Variants in NIPAL2 observed in about 807,000 individuals in gnomAD.
NIPAL2 encodes NIPA-like protein 2.
A neutral mutation model predicts 48.9 loss-of-function variants in NIPAL2; 43 were observed. The observed-to-expected ratio is 0.88, with a 90% confidence interval of 0.69 to 1.13. NIPAL2 has a LOEUF of 1.13. NIPAL2 is among the 50% of genes most tolerant of loss of function. The pLI, the probability that NIPAL2 is intolerant of heterozygous loss-of-function variation, is 0.00. For synonymous variants in NIPAL2, 167 were observed against 174.6 expected (o/e 0.96, Z 0.34); for missense variants, 446 against 461.4 (o/e 0.97, Z 0.31).
chr8:98,274,537 T>TCA, intron 1 of NIPAL2, among the ~76,000 whole-genome samples: 1 of 152,064 alleles, frequency 6.6e-6, no homozygotes, highest in Non-Finnish European at 1.5e-5. Flanking sequence ...GTTCCTTTTA[T>TCA]CAGTATGACT....
At chr8:98,278,656 C>T (rs928809008) in intron 1 of NIPAL2, among the ~76,000 whole-genome samples, 2 of 152,162 alleles carry the variant, frequency 1.3e-5, no homozygotes, top group African/African-American at 2.4e-5. Context: ...CTATAAGCTC[C>T]TTGAAGGCAG....
chr8:98,237,362 CTT>C (rs1371040840), intron 3 of NIPAL2, among the ~76,000 whole-genome samples: 2 of 152,072 alleles, frequency 1.3e-5, no homozygotes, highest in Non-Finnish European at 2.9e-5. Context: ...TTATTTCACT[CTT>C]TGTTAGGTCT....
intron 5 of NIPAL2, among the ~76,000 whole-genome samples, chr8:98,213,053 A>G (rs1033358173): frequency 6.6e-6 from 1 of 152,224 alleles, no homozygotes; most frequent in Non-Finnish European, 1.5e-5. Context: ...TGGATAATGA[A>G]ATATTTTATT....
At chr8:98,270,858 T>C (rs1425177206) in intron 1 of NIPAL2, among the ~76,000 whole-genome samples, 1 of 152,202 alleles carries the variant, frequency 6.6e-6, no homozygotes, top group Non-Finnish European at 1.5e-5. Context: ...ATTTAATCCA[T>C]CTTGAGGTAA....
intron 1 of NIPAL2, among the ~76,000 whole-genome samples, chr8:98,289,571 G>A (rs1816382636): frequency 6.7e-6 from 1 of 148,942 alleles, no homozygotes; most frequent in East Asian, 2.0e-4. Flanking sequence ...GGCTGGTCTT[G>A]AACTCTTGGG....
At chr8:98,244,216 A>G (rs1586386767) in intron 3 of NIPAL2, among the ~76,000 whole-genome samples, 3 of 133,204 alleles carry the variant, frequency 2.3e-5, no homozygotes, top group Admixed American at 7.5e-5. Flanking sequence ...AAAAAAAATG[A>G]GGGGGGTGTG....
At chr8:98,273,513 G>T (rs1815262874) in intron 1 of NIPAL2, among the ~76,000 whole-genome samples, 1 of 151,962 alleles carries the variant, frequency 6.6e-6, no homozygotes, top group South Asian at 2.1e-4. Context: ...GAATTTTATG[G>T]TATGTGAATT....
intron 1 of NIPAL2, among the ~76,000 whole-genome samples, chr8:98,260,384 G>A (rs1037153127): frequency 2.0e-5 from 3 of 152,228 alleles, no homozygotes; most frequent in African/African-American, 4.8e-5. Context: ...ATCTCACTAG[G>A]GAGTGCCAGA....
intron 1 of NIPAL2, among the ~76,000 whole-genome samples, chr8:98,290,700 C>T (rs533834078): frequency 7.9e-5 from 12 of 152,040 alleles, no homozygotes; most frequent in East Asian, 3.9e-4. Context: ...TCACATGGAC[C>T]GCATAAATAT....
At position 98,191,710 on chromosome 8, in the gene NIPAL2, T is replaced by C. The variant is rs62522244; in HGVS notation, c.*1268A>G. The C allele has an allele frequency of 0.47, 72,176 of 152,084 alleles. 17,307 individuals are homozygous for C. Among genetic ancestry groups the C allele is most frequent in the South Asian group, 0.59 (2,852 of 4,818 alleles). The allele number at this position is 152,084 out of a possible 1,614,324, so 9.4% of individuals were successfully genotyped here. A position where few individuals can be genotyped will look rare whatever the true frequency, so the allele number is the denominator to read the frequency against. ...GGATGTTGGCTGCAACGAAGGCTAC[T>C]TCTTTTCTTCTCCTTTAAATATTAG... On this transcript the variant is annotated 3_prime_UTR_variant, in exon 11 of 11. Coordinates refer to ENST00000430223, the MANE Select transcript of NIPAL2 (RefSeq NM_001321635.2).
chr8:98,196,953 C>A (rs780073700), intron 8 of NIPAL2, among the ~76,000 whole-genome samples: 1 of 152,178 alleles, frequency 6.6e-6, no homozygotes, highest in Non-Finnish European at 1.5e-5. Flanking sequence ...ATGAAACTTT[C>A]TGAAGCACAC....
intron 3 of NIPAL2, among the ~76,000 whole-genome samples, chr8:98,242,839 T>C (rs187905800): frequency 1.2e-3 from 185 of 152,290 alleles, no homozygotes; most frequent in African/African-American, 3.3e-3. Flanking sequence ...ATGATAAATA[T>C]GTTAATTAGC....
chr8:98,199,019 C>G (rs1810687442), intron 8 of NIPAL2, among the ~76,000 whole-genome samples: 1 of 149,612 alleles, frequency 6.7e-6, no homozygotes, highest in Non-Finnish European at 1.5e-5. Context: ...TGCAATGGTG[C>G]CATCTTGGCT....
At chr8:98,236,928 A>G (rs987259718) in intron 3 of NIPAL2, among the ~76,000 whole-genome samples, 1 of 151,084 alleles carries the variant, frequency 6.6e-6, no homozygotes, top group Admixed American at 6.6e-5. Flanking sequence ...ATTTCCCAGC[A>G]TCTCCTCCTA....
intron 8 of NIPAL2, 135 bp downstream of exon 8, chr8:98,202,972 TC>T (rs1234488287): frequency 1.0e-5 from 7 of 676,208 alleles, no homozygotes; most frequent in Non-Finnish European, 1.5e-5. Context: ...TGGAAGATTG[TC>T]ATAGGGGAAA....
intron 1 of NIPAL2, among the ~76,000 whole-genome samples, chr8:98,256,656 T>C (rs778180511): frequency 6.6e-6 from 1 of 151,130 alleles, no homozygotes; most frequent in Non-Finnish European, 1.5e-5. Context: ...AAAAGAAGTG[T>C]TAGCAAAGAT....
chr8:98,264,128 G>T (rs575113101), intron 1 of NIPAL2, among the ~76,000 whole-genome samples: 344 of 151,986 alleles, frequency 2.3e-3, no homozygotes, highest in South Asian at 0.016. Context: ...TGGGATGTAT[G>T]TCAAAATAAT....
At chr8:98,258,812 CA>C (rs1203992278) in intron 1 of NIPAL2, among the ~76,000 whole-genome samples, 3 of 151,774 alleles carry the variant, frequency 2.0e-5, no homozygotes, top group Non-Finnish European at 4.4e-5. Context: ...GTTCTGACCA[CA>C]AGGCATCCCT....
intron 3 of NIPAL2, among the ~76,000 whole-genome samples, chr8:98,241,829 C>T (rs972869409): frequency 7.1e-6 from 1 of 141,378 alleles, no homozygotes; most frequent in Non-Finnish European, 1.6e-5. Flanking sequence ...GAATAATTAA[C>T]TCTTTCTATC....
Sources: allele counts gnomAD v4.1 joint callset (sites outside exome capture counted in the v4.1 genomes callset), GRCh38; gene constraint gnomAD v4.1.1; transcripts MANE v1.5; gene names NCBI Gene and HGNC (gene_info 2026-07-23, HGNC 2026-07-21).